Variants in MUC5AC observed in about 807,000 individuals in gnomAD.
MUC5AC encodes the protein mucin 5AC, oligomeric mucus/gel-forming.
In MUC5AC, 158 loss-of-function variants were observed where a neutral mutation model predicts 169.7. That is an observed-to-expected ratio of 0.93 (90% CI 0.82 to 1.06). MUC5AC has a LOEUF of 1.06. Ranked by LOEUF, MUC5AC falls within the 50% of genes least tolerant of loss-of-function variation. MUC5AC has a pLI of 0.00. For missense variants in MUC5AC, 4,359 were observed against 3,089.9 expected, an observed-to-expected ratio of 1.41 and a Z score of -9.74; for synonymous variants, 1,975 against 1,237.0, an observed-to-expected ratio of 1.60 and a Z score of -12.52.
Position 1,190,030 on chromosome 11 carries a change from G to A in MUC5AC, c.11885G>A (p.Trp3962Ter). The A allele has an allele frequency of 1.3e-6, 1 of 765,120 alleles. No individual in the cohort carries two copies. Among genetic ancestry groups the A allele is most frequent in the Non-Finnish European group, 2.4e-6 (1 of 417,868 alleles). The allele number at this position is 765,120 out of a possible 1,614,324, so 47.4% of individuals were successfully genotyped here. A position where few individuals can be genotyped will look rare whatever the true frequency, so the allele number is the denominator to read the frequency against. The change falls in exon 31 of 49, where the codon TGG (tryptophan) becomes TAG (stop). Residue 3962 changes from tryptophan to a stop codon, truncating the protein, a stop_gained. Coordinates refer to ENST00000621226, the MANE Select transcript of MUC5AC (RefSeq NM_001304359.2). LOFTEE classifies it high-confidence loss of function. The stretch of plus-strand genomic sequence containing the variant: ...CATCCCCGGTGCACCTGGACCAAGT[G>A]GTTTGACGTGGACTTTCCATCCCCT... ...DCHPRCTWTK[W>*]FDVDFPSPGP...
intron 7 of MUC5AC, 34 bp from the exon 8 acceptor site, chr11:1,164,072 C>T (rs778711212): frequency 9.9e-6 from 16 of 1,610,156 alleles, no homozygotes; most frequent in East Asian, 2.2e-5. Flanking sequence ...GATCCCCCAC[C>T]GAGGACTCAG....
intron 15 of MUC5AC, among the ~76,000 whole-genome samples, chr11:1,171,508 T>TTCACCCACTCACTCACCCAC (rs1860534904): frequency 2.8e-5 from 1 of 35,834 alleles, no homozygotes; most frequent in Non-Finnish European, 5.8e-5. Flanking sequence ...CATTCACCCA[T>TTCACCCACTCACTCACCCAC]TCACCCACTC....
In MUC5AC at chr11:1,182,463, C is replaced by T. The variant is rs1291937436; in HGVS notation, c.4318C>T (p.Arg1440Ter). ...TGAGGACGCCCCCGGAGTGCCGCTC[C>T]GAGCCCTGGGGCAGCGTGTGCAGTG... Reference protein sequence around the residue: ...RAEDAPGVPLRALGQRVQCSP... With the variant: ...RAEDAPGVPL The change falls in exon 31 of 49, where the codon CGA (arginine) becomes TGA (stop). Residue 1440 changes from arginine to a stop codon, truncating the protein, a stop_gained. Coordinates refer to ENST00000621226, the MANE Select transcript of MUC5AC (RefSeq NM_001304359.2). LOFTEE classifies it high-confidence loss of function. 4 of 398,576 alleles carry T rather than the reference C, an allele frequency of 1.0e-5. No homozygotes were observed. Among genetic ancestry groups the T allele is most frequent in the African/African-American group, 2.1e-5 (1 of 48,632 alleles). 24.7% of individuals were successfully genotyped at this position (398,576 alleles called of 1,614,324 possible).
intron 37 of MUC5AC, 67 bp downstream of exon 37, chr11:1,196,121 C>T (rs1182895509): frequency 4.4e-6 from 3 of 689,590 alleles, no homozygotes; most frequent in African/African-American, 1.7e-5. Context: ...CCGGACGGAC[C>T]AACAGGGTGG....
rs1375510837 is a variant in MUC5AC at position 1,198,291 on chromosome 11, G to A, written c.16159G>A (p.Gly5387Arg). 10 of 754,700 alleles carry A rather than the reference G, an allele frequency of 1.3e-5. No individual in the cohort carries two copies. Among genetic ancestry groups the A allele is most frequent in the African/African-American group, 5.1e-5 (3 of 59,026 alleles). 46.8% of individuals were successfully genotyped at this position (754,700 alleles called of 1,614,324 possible). A position where few individuals can be genotyped will look rare whatever the true frequency, so the allele number is the denominator to read the frequency against. Residue 5387 changes from glycine to arginine, a missense_variant, in exon 43 of 49, where the codon GGG (glycine) becomes AGG (arginine). Transcript: ENST00000621226. ...NCSWTVCSINGTLYQPGAVVS... is the reference protein window; with the variant it reads ...NCSWTVCSINRTLYQPGAVVS... ...AGGCTGGACAGTGTGCAGCATCAAC[G>A]GGACCCTGTACCAGGTAAGAGCCAC... is the stretch of plus-strand genomic sequence containing the variant.
intron 9 of MUC5AC, 76 bp from the exon 10 acceptor site, chr11:1,165,226 C>T (rs899316711): frequency 2.3e-5 from 32 of 1,380,604 alleles, no homozygotes; most frequent in African/African-American, 7.1e-5. Flanking sequence ...GCTGTGGGGC[C>T]GCCATGTTGT....
intron 1 of MUC5AC, among the ~76,000 whole-genome samples, chr11:1,158,423 C>T (rs1018825118): frequency 6.6e-6 from 1 of 152,224 alleles, no homozygotes; most frequent in Non-Finnish European, 1.5e-5. Flanking sequence ...CCCTGCTGGG[C>T]CTGGTCGGGG....
rs1218806460 is a variant in MUC5AC, at chr11:1,192,817, C to A, written c.14415C>A (p.Gly4805=). 1.3e-6 allele frequency: 1 copy of A among 763,850 alleles called. No individual in the cohort carries two copies. The highest frequency in any genetic ancestry group is 1.7e-5 in the Admixed American group (1 of 58,992). 47.3% of individuals were successfully genotyped at this position (763,850 alleles called of 1,614,324 possible). Residue 4805 remains glycine (G), a synonymous_variant, in exon 32 of 49, where the codon GGC becomes GGA. Transcript: ENST00000621226. ...TATACCGCCACAGAGACCTCGCTGG[C>A]CATTGCTATTATGCCCTGTGTAGCC... The part of the protein sequence containing the change: ...STIYRHRDLA[G]HCYYALCSQD...
chr11:1,158,153 T>A (rs918942801), intron 1 of MUC5AC, 81 bp downstream of exon 1: 11 of 1,314,644 alleles, frequency 8.4e-6, no homozygotes, highest in Admixed American at 2.2e-5. Flanking sequence ...GTCTTTGCCC[T>A]GGGTTCCGGG....
rs1342050693 is a variant in MUC5AC, at chr11:1,180,440, C to A, written c.3700C>A (p.Pro1234Thr). The stretch of plus-strand genomic sequence containing the variant: ...GGCCACCTGCCCAACCCCGCCTCTG[C>A]CACCACGGTGCCACGTCCATGGGAA... ...CVATCPTPPL[P>T]PRCHVHGKSY... The change falls in exon 28 of 49, where the codon CCA (proline) becomes ACA (threonine). Residue 1234 changes from proline to threonine, a missense_variant. Coordinates refer to ENST00000621226, the MANE Select transcript of MUC5AC (RefSeq NM_001304359.2). The A allele has an allele frequency of 5.0e-6, 2 of 398,766 alleles. No homozygotes were observed. Among genetic ancestry groups the A allele is most frequent in the African/African-American group, 4.1e-5 (2 of 48,636 alleles). The allele number at this position is 398,766 out of a possible 1,614,324, so 24.7% of individuals were successfully genotyped here. A position where few individuals can be genotyped will look rare whatever the true frequency, so the allele number is the denominator to read the frequency against.
At chr11:1,173,278 TACTCACTCACTCATCCACTCACTCACCC>T (rs1440386822) in intron 16 of MUC5AC, among the ~76,000 whole-genome samples, 7 of 126,530 alleles carry the variant, frequency 5.5e-5, no homozygotes, top group Admixed American at 8.0e-5. Context: ...ACTTATTCAT[TACTCACTCACTCATCCACTCACTCACCC>T]ACTCACTCAC....
In MUC5AC at chr11:1,194,376, G is replaced by C; in HGVS notation, c.15006+16G>C. ...GACAAACGAGGTGGGGGCGCGCCCG[G>C]TGTGCCGCGGAGGGGGTGGGGGACG... On this transcript the variant is annotated intron_variant, in intron 34 of 48. Transcript: ENST00000621226. The C allele has an allele frequency of 1.4e-6, 1 of 714,146 alleles. No homozygotes were observed. The highest frequency in any genetic ancestry group is 1.4e-5 in the South Asian group (1 of 69,120). The allele number at this position is 714,146 out of a possible 1,614,324, so 44.2% of individuals were successfully genotyped here.
At position 1,198,732 on chromosome 11, in the gene MUC5AC, C is replaced by T. The variant is rs1590155138; in HGVS notation, c.16174-142C>T. ...ACCAAGAGGTGCCACCACGAGTCAC[C>T]CCAGGGGTGCAACTCGGCCTGGTAG... On this transcript the variant is annotated intron_variant, in intron 43 of 48. Coordinates refer to ENST00000621226, the MANE Select transcript of MUC5AC (RefSeq NM_001304359.2). 24 of 630,924 alleles carry T rather than the reference C, an allele frequency of 3.8e-5. No homozygotes were observed. In the East Asian group the frequency reaches 6.3e-4, roughly 16 times the overall value. The allele number at this position is 630,924 out of a possible 1,614,324, so 39.1% of individuals were successfully genotyped here.
Position 1,189,624 on chromosome 11 carries a change from C to T in MUC5AC, c.11479C>T (p.Pro3827Ser). Residue 3827 changes from proline (P) to serine (S), a missense_variant, in exon 31 of 49, where the codon CCT becomes TCT. Transcript: ENST00000621226. ...TCCGCAGACCAGCACAACCTCTTCC[C>T]CTACAACTAGCACAACCTCAGCTCC... ...STPQTSTTSS[P>S]TTSTTSAPTT... is the part of the protein sequence containing the mutation. The T allele has an allele frequency of 1.6e-6, 1 of 624,132 alleles. No homozygotes were observed. The allele number at this position is 624,132 out of a possible 1,614,324, so 38.7% of individuals were successfully genotyped here. A position where few individuals can be genotyped will look rare whatever the true frequency, so the allele number is the denominator to read the frequency against.
chr11:1,193,286 G>A (rs937714965), intron 32 of MUC5AC, among the ~76,000 whole-genome samples, 199 bp from the exon 33 acceptor site: 1 of 134,756 alleles, frequency 7.4e-6, no homozygotes, highest in Non-Finnish European at 1.6e-5. Context: ...CCAGGGAGGA[G>A]CCACTCCCAC....
At chr11:1,193,715 G>C in intron 33 of MUC5AC, 56 bp downstream of exon 33, 1 of 749,296 alleles carries the variant, frequency 1.3e-6, no homozygotes. Flanking sequence ...TCCCCACCCA[G>C]GTGGAAATGG....
At position 1,200,726 on chromosome 11, in the gene MUC5AC, T is replaced by A. The variant is rs777087079; in HGVS notation, c.*24T>A. The A allele has an allele frequency of 2.9e-6, 2 of 701,392 alleles. No individual in the cohort carries two copies. The highest frequency in any genetic ancestry group is 5.2e-6 in the Non-Finnish European group (2 of 381,656). The allele number at this position is 701,392 out of a possible 1,614,324, so 43.4% of individuals were successfully genotyped here. ...GACCAGCACTGCCGCCCTCCTGACCTCCAAGGAGAACCTCCCATATGTCCT... is the reference window on the plus strand; with the variant it reads ...GACCAGCACTGCCGCCCTCCTGACCACCAAGGAGAACCTCCCATATGTCCT... On this transcript the variant is annotated 3_prime_UTR_variant, in exon 49 of 49. Transcript: ENST00000621226.
Position 1,199,106 on chromosome 11 carries a change from A to G in MUC5AC, c.16316A>G (p.Gln5439Arg), listed in dbSNP as rs1861358556. Residue 5439 changes from glutamine (Q) to arginine (R), a missense_variant, in exon 45 of 49, where the codon CAG (glutamine) becomes CGG (arginine). By Grantham distance (43) the Gln-to-Arg change is conservative (BLOSUM62 1). Coordinates refer to ENST00000621226, the MANE Select transcript of MUC5AC (RefSeq NM_001304359.2). Reference sequence around the variant, plus strand: ...CCGCAGGGCTTCGAGTACCAGGAGCAGAGCGGGCAGTGCTGTGGCACCTGT... The same window carrying G: ...CCGCAGGGCTTCGAGTACCAGGAGCGGAGCGGGCAGTGCTGTGGCACCTGT... ...HCPVGFEYQE[Q>R]SGQCCGTCVQ... 1.3e-6 allele frequency: 1 copy of G among 764,668 alleles called. No homozygotes were observed. Among genetic ancestry groups the G allele is most frequent in the South Asian group, 1.3e-5 (1 of 74,568 alleles). The allele number at this position is 764,668 out of a possible 1,614,324, so 47.4% of individuals were successfully genotyped here. A position where few individuals can be genotyped will look rare whatever the true frequency, so the allele number is the denominator to read the frequency against.
Position 1,187,469 on chromosome 11 carries a change from A to T in MUC5AC, c.9324A>T (p.Thr3108=), listed in dbSNP as rs1432464091. 21 of 733,056 alleles carry T rather than the reference A, an allele frequency of 2.9e-5. No homozygotes were observed. In the East Asian group the frequency reaches 5.3e-4, roughly 19 times the overall value. The allele number at this position is 733,056 out of a possible 1,614,324, so 45.4% of individuals were successfully genotyped here. A position where few individuals can be genotyped will look rare whatever the true frequency, so the allele number is the denominator to read the frequency against. Reference sequence around the variant, plus strand: ...CAACGTCTGCTCCTACAACCAGCACAACCTCTGCCTCTACAGCCAGCAAAA... The same window carrying T: ...CAACGTCTGCTCCTACAACCAGCACTACCTCTGCCTCTACAGCCAGCAAAA... ...TSTTSAPTTS[T]TSASTASKTS... is the part of the protein sequence containing the mutation. The change falls in exon 31 of 49, where the codon ACA becomes ACT. Residue 3108 remains threonine, a synonymous_variant. Coordinates refer to ENST00000621226, the MANE Select transcript of MUC5AC (RefSeq NM_001304359.2).
Sources: gnomAD v4.1 joint callset for allele counts (sites outside exome capture counted in the v4.1 genomes callset) on GRCh38, gnomAD v4.1.1 for gene constraint, MANE v1.5 for transcripts, NCBI Gene and HGNC (gene_info 2026-07-23, HGNC 2026-07-21) for gene names.